Variants in INO80 observed in about 807,000 individuals in gnomAD.
INO80 encodes chromatin-remodeling ATPase INO80.
Under a neutral mutation model 203.4 loss-of-function variants are expected in INO80, and 20 were observed. The observed-to-expected ratio is 0.10, with a 90% CI of 0.07 to 0.14. The LOEUF (loss-of-function observed/expected upper bound fraction) is 0.14, where lower values mean the gene tolerates loss of function less well. Ranked by LOEUF, INO80 falls within the 10% of genes least tolerant of loss-of-function variation. The pLI is 1.00. For synonymous variants in INO80, 726 were observed against 685.2 expected (o/e 1.06, Z -0.93); for missense variants, 1,419 against 1,914.4 (o/e 0.74, Z 4.83).
At chr15:41,020,834 T>G (rs2044282865) in intron 26 of INO80, 66 bp downstream of exon 26, 2 of 991,696 alleles carry the variant, frequency 2.0e-6, no homozygotes, top group South Asian at 1.5e-5. Flanking sequence ...AAGGACCACA[T>G]GAAGATAACC....
At chr15:40,999,649 G>A (rs1009197028) in intron 28 of INO80, among the ~76,000 whole-genome samples, 8 of 152,058 alleles carry the variant, frequency 5.3e-5, no homozygotes, top group Non-Finnish European at 8.8e-5. Context: ...TTCATAAAAC[G>A]CCATCTTTAT....
intron 29 of INO80, among the ~76,000 whole-genome samples, chr15:40,988,439 A>T (rs1000263018): frequency 6.6e-6 from 1 of 152,222 alleles, no homozygotes; most frequent in Non-Finnish European, 1.5e-5. Context: ...TTTATCCAAG[A>T]TCACATTGCT....
chr15:41,054,320 T>C (rs1255849681), intron 18 of INO80, among the ~76,000 whole-genome samples: 2 of 152,208 alleles, frequency 1.3e-5, no homozygotes, highest in Admixed American at 6.5e-5. Flanking sequence ...AGACTCTCAG[T>C]GTTCCCCAAA....
Position 41,100,361 on chromosome 15 carries a change from A to G in INO80, c.-43-4008T>C, listed in dbSNP as rs1286273504. On this transcript the variant is annotated intron_variant, in intron 1 of 35. Coordinates refer to ENST00000648947, the MANE Select transcript of INO80 (RefSeq NM_017553.3). ...AGTGCTGGGATTACAGGTGTGAGCC[A>G]CTGTGCCCGGCCAATGAATGGAATA... Among the ~76,000 whole-genome samples, 3 of 152,198 alleles carry G rather than the reference A, an allele frequency of 2.0e-5. No individual in the cohort carries two copies. In the East Asian group the frequency reaches 5.8e-4, roughly 29 times the overall value.
Position 41,074,528 on chromosome 15 carries a change from G to C in INO80, c.1169C>G (p.Thr390Ser). 6.2e-7 allele frequency: 1 copy of C among 1,612,028 alleles called. No homozygotes were observed. Among genetic ancestry groups the C allele is most frequent in the Non-Finnish European group, 8.5e-7 (1 of 1,179,232 alleles). Residue 390 changes from threonine (T) to serine (S), a missense_variant, in exon 10 of 36, where the codon ACC (threonine) becomes AGC (serine). By Grantham distance (58) the Thr-to-Ser change is moderately conservative (BLOSUM62 1). Around this residue, in one of 9 missense-constraint regions of INO80, gnomAD observed 87 missense variants for 150.5 expected, o/e 0.58. Coordinates refer to ENST00000648947, the MANE Select transcript of INO80 (RefSeq NM_017553.3). The part of the protein sequence containing the change: ...RQQRKLNFLI[T>S]QTELYAHFMS... ...GAAATGGGCATACAACTCTGTCTGG[G>C]TAATTAAGAAGTTGAGTTTTCGCTG...
intron 7 of INO80, among the ~76,000 whole-genome samples, 167 bp from the exon 8 acceptor site, chr15:41,081,240 A>T (rs1409769784): frequency 1.3e-5 from 2 of 152,224 alleles, no homozygotes; most frequent in East Asian, 3.8e-4. Flanking sequence ...CGCCATACAT[A>T]AAACGATTAA....
intron 24 of INO80, 22 bp from the exon 25 acceptor site, chr15:41,027,758 G>A (rs1173296302): frequency 1.9e-6 from 3 of 1,541,334 alleles, no homozygotes; most frequent in Non-Finnish European, 1.8e-6. Context: ...AAATGCAAAT[G>A]AATGCCAACT....
intron 1 of INO80, among the ~76,000 whole-genome samples, chr15:41,106,872 A>T (rs1379659742): frequency 2.6e-5 from 4 of 152,216 alleles, no homozygotes. Context: ...CCACTCCAAC[A>T]GTGAAAAGCC....
At chr15:41,023,454 A>G in intron 25 of INO80, 2 of 401,238 alleles carry the variant, frequency 5.0e-6, no homozygotes, top group Admixed American at 2.9e-5. Context: ...ATACTCTTAG[A>G]TAAGTAAAGC....
intron 25 of INO80, among the ~76,000 whole-genome samples, chr15:41,026,239 C>G (rs962365682): frequency 1.3e-5 from 2 of 152,004 alleles, no homozygotes; most frequent in African/African-American, 4.8e-5. Flanking sequence ...ACAGAAAAGG[C>G]TCCTTCTTCT....
chr15:41,023,414 G>A, intron 25 of INO80: 1 of 451,748 alleles, frequency 2.2e-6, no homozygotes. Flanking sequence ...ATAGAAATAT[G>A]ACCAGTTCTA....
At chr15:41,015,959 A>AT in intron 27 of INO80, 129 bp downstream of exon 27, 4 of 704,828 alleles carry the variant, frequency 5.7e-6, no homozygotes, top group Non-Finnish European at 6.9e-6. Flanking sequence ...AAAAAAAAAA[A>AT]GGAAAAAGAA....
At chr15:41,019,950 G>A (rs997336670) in intron 26 of INO80, among the ~76,000 whole-genome samples, 15 of 152,170 alleles carry the variant, frequency 9.9e-5, no homozygotes, top group African/African-American at 2.9e-4. Flanking sequence ...GGCCGGGCGC[G>A]GTGGCTCACG....
intron 29 of INO80, among the ~76,000 whole-genome samples, chr15:40,996,394 C>CT (rs1056867997): frequency 4.6e-5 from 7 of 152,178 alleles, no homozygotes; most frequent in African/African-American, 1.7e-4. Context: ...ATGATCTTGG[C>CT]TCACTGCAGC....
intron 25 of INO80, chr15:41,023,436 C>A: frequency 2.3e-6 from 1 of 436,234 alleles, no homozygotes; most frequent in Non-Finnish European, 4.6e-6. Flanking sequence ...ATGTCTTGAA[C>A]AGCATGCATA....
chr15:41,075,308 T>C (rs554363493), intron 9 of INO80, among the ~76,000 whole-genome samples: 7 of 151,868 alleles, frequency 4.6e-5, no homozygotes, highest in Non-Finnish European at 8.8e-5. Context: ...TCTAACTGTG[T>C]GGGCCAGGCT....
intron 1 of INO80, among the ~76,000 whole-genome samples, chr15:41,104,665 G>C (rs1157076105): frequency 6.6e-6 from 1 of 151,998 alleles, no homozygotes; most frequent in Non-Finnish European, 1.5e-5. Context: ...AGTCTTCCGA[G>C]TAGCTGGGAT....
intron 1 of INO80, among the ~76,000 whole-genome samples, chr15:41,097,011 T>G (rs756458846): frequency 2.6e-5 from 4 of 151,882 alleles, no homozygotes; most frequent in Non-Finnish European, 5.9e-5. Flanking sequence ...AAGACAACAT[T>G]AGGGTCAGAA....
At chr15:41,109,144 G>C (rs952637546) in intron 1 of INO80, 1 of 152,724 alleles carries the variant, frequency 6.5e-6, no homozygotes, top group African/African-American at 2.4e-5. Flanking sequence ...GGGCAGATTT[G>C]ATAGCTTACC....
Sources: gnomAD v4.1 joint callset for allele counts (sites outside exome capture counted in the v4.1 genomes callset) on GRCh38, gnomAD v4.1.1 for gene constraint, gnomAD v4.1.1 regional missense constraint, MANE v1.5 for transcripts, NCBI Gene and HGNC (gene_info 2026-07-23, HGNC 2026-07-21) for gene names.